HS6ST3: variants seen among roughly 807,000 people sequenced by gnomAD.
The protein encoded by HS6ST3 is heparan sulfate 6-O-sulfotransferase 3.
In HS6ST3, 12 loss-of-function variants were observed where a neutral mutation model predicts 36.7. The ratio of observed to expected loss-of-function variants is 0.33; its 90% CI spans 0.21 to 0.53. The LOEUF is 0.53. Among genes scored for constraint, HS6ST3 ranks in the 20% least tolerant of loss-of-function variants. The pLI is 0.95. For missense variants in HS6ST3, 584 were observed against 640.9 expected (o/e 0.91, Z 0.96); for synonymous variants, 240 against 257.5 (o/e 0.93, Z 0.65).
At chr13:96,142,838 A>T (rs1248163924) in intron 1 of HS6ST3, among the ~76,000 whole-genome samples, 3 of 152,142 alleles carry the variant, frequency 2.0e-5, no homozygotes, top group African/African-American at 7.2e-5. Context: ...TATTAAAGTG[A>T]ACCCATTTTC....
intron 1 of HS6ST3, among the ~76,000 whole-genome samples, chr13:96,269,136 T>C (rs2139387318): frequency 6.6e-6 from 1 of 152,108 alleles, no homozygotes; most frequent in Non-Finnish European, 1.5e-5. Flanking sequence ...GTGGTAGTGT[T>C]GTTAAACATG....
At chr13:96,761,440 A>C (rs1259070631) in intron 1 of HS6ST3, among the ~76,000 whole-genome samples, 5 of 151,474 alleles carry the variant, frequency 3.3e-5, no homozygotes, top group Non-Finnish European at 7.4e-5. Context: ...GATTTTTTTC[A>C]TTAATATTAT....
intron 1 of HS6ST3, among the ~76,000 whole-genome samples, chr13:96,719,278 A>G (rs987793051): frequency 2.0e-5 from 3 of 151,914 alleles, no homozygotes; most frequent in African/African-American, 7.3e-5. Context: ...TGTCTCAAAA[A>G]AAAAAAAACC....
At chr13:96,756,079 G>A (rs1321266774) in intron 1 of HS6ST3, among the ~76,000 whole-genome samples, 1 of 152,116 alleles carries the variant, frequency 6.6e-6, no homozygotes, top group East Asian at 1.9e-4. Flanking sequence ...TTTGAGTGAT[G>A]TTGAACACAT....
At chr13:96,143,005 A>G (rs952047351) in intron 1 of HS6ST3, among the ~76,000 whole-genome samples, 1 of 152,118 alleles carries the variant, frequency 6.6e-6, no homozygotes, top group Non-Finnish European at 1.5e-5. Context: ...TACCTCCCCC[A>G]AACCTTCCTC....
intron 1 of HS6ST3, among the ~76,000 whole-genome samples, chr13:96,543,217 G>T (rs1335887584): frequency 6.6e-6 from 1 of 152,098 alleles, no homozygotes; most frequent in Non-Finnish European, 1.5e-5. Flanking sequence ...TACCTGATTT[G>T]TTCAGTCTAG....
chr13:96,118,643 A>AAG (rs1566886386), intron 1 of HS6ST3, among the ~76,000 whole-genome samples: 1 of 67,984 alleles, frequency 1.5e-5, no homozygotes, highest in African/African-American at 6.1e-5. Context: ...AAGAACATTA[A>AAG]AGATATATAT....
At chr13:96,599,674 CT>C (rs2138981360) in intron 1 of HS6ST3, among the ~76,000 whole-genome samples, 1 of 151,676 alleles carries the variant, frequency 6.6e-6, no homozygotes, top group South Asian at 2.1e-4. Context: ...CATCTATTAG[CT>C]TTGGGTTTGC....
At chr13:96,484,293 CTCCTTCCT>C (rs146488079) in intron 1 of HS6ST3, among the ~76,000 whole-genome samples, 88 of 151,656 alleles carry the variant, frequency 5.8e-4, no homozygotes, top group Non-Finnish European at 1.0e-3. Flanking sequence ...TCCTTCCTTC[CTCCTTCCT>C]TCCTTCCTTC....
At chr13:96,752,619 A>G (rs1876727076) in intron 1 of HS6ST3, among the ~76,000 whole-genome samples, 2 of 151,962 alleles carry the variant, frequency 1.3e-5, no homozygotes. Context: ...AGACCTATTC[A>G]TGTCTTCTGT....
chr13:96,652,599 G>A (rs1272718138), intron 1 of HS6ST3, among the ~76,000 whole-genome samples: 6 of 152,080 alleles, frequency 3.9e-5, no homozygotes, highest in African/African-American at 1.4e-4. Context: ...ACAGCCCTAT[G>A]ATTTGAAAGC....
intron 1 of HS6ST3, among the ~76,000 whole-genome samples, chr13:96,219,481 G>C (rs538337396): frequency 6.6e-6 from 1 of 152,090 alleles, no homozygotes; most frequent in Non-Finnish European, 1.5e-5. Context: ...CCTTGTTAAG[G>C]AATTTTAGAG....
intron 1 of HS6ST3, among the ~76,000 whole-genome samples, chr13:96,574,897 T>G (rs940948821): frequency 6.6e-6 from 1 of 152,164 alleles, no homozygotes; most frequent in Non-Finnish European, 1.5e-5. Flanking sequence ...ATCAAGTAGG[T>G]GTATTCCCCT....
intron 1 of HS6ST3, among the ~76,000 whole-genome samples, chr13:96,539,009 C>G (rs1355244014): frequency 1.3e-5 from 2 of 152,100 alleles, no homozygotes; most frequent in African/African-American, 4.8e-5. Flanking sequence ...GCTCCAATAT[C>G]TGCTTGGGCT....
At chr13:96,460,631 A>C (rs1039159345) in intron 1 of HS6ST3, among the ~76,000 whole-genome samples, 5 of 152,210 alleles carry the variant, frequency 3.3e-5, no homozygotes, top group African/African-American at 1.2e-4. Context: ...TCTTCAGAGA[A>C]ATACATGTGC....
At position 96,649,368 on chromosome 13, in the gene HS6ST3, T is replaced by C. The variant is rs569870933; in HGVS notation, c.708-183122T>C. Among the ~76,000 whole-genome samples, 3 of 152,100 alleles carry C rather than the reference T, an allele frequency of 2.0e-5. No homozygotes were observed. In the South Asian group the frequency reaches 6.2e-4, roughly 32 times the overall value. The stretch of plus-strand genomic sequence containing the variant: ...TCAGATCTCGTGAAAACTAACTCAC[T>C]ATCATGAGAATACCATGATTCAATT... On this transcript the variant is annotated intron_variant, in intron 1 of 1. Transcript: ENST00000376705.
intron 1 of HS6ST3, among the ~76,000 whole-genome samples, chr13:96,211,736 A>G (rs2054400238): frequency 1.3e-5 from 2 of 152,190 alleles, no homozygotes; most frequent in African/African-American, 2.4e-5. Flanking sequence ...TTGTCTTTAT[A>G]TTGTGTTTCT....
intron 1 of HS6ST3, among the ~76,000 whole-genome samples, chr13:96,518,209 A>G (rs1221081335): frequency 6.6e-6 from 1 of 152,172 alleles, no homozygotes; most frequent in African/African-American, 2.4e-5. Flanking sequence ...TCCTTAACAG[A>G]TTTTTATTAA....
At chr13:96,251,592 C>G (rs1024932224) in intron 1 of HS6ST3, among the ~76,000 whole-genome samples, 1 of 151,650 alleles carries the variant, frequency 6.6e-6, no homozygotes, top group Non-Finnish European at 1.5e-5. Flanking sequence ...TCTTTATTGT[C>G]TTTTTCCTTC....
Sources: gnomAD v4.1 joint callset for allele counts (sites outside exome capture counted in the v4.1 genomes callset) on GRCh38, gnomAD v4.1.1 for gene constraint, MANE v1.5 for transcripts, NCBI Gene and HGNC (gene_info 2026-07-23, HGNC 2026-07-21) for gene names.